ATP8A2: variants seen among roughly 807,000 people sequenced by gnomAD.
ATP8A2 encodes phospholipid-transporting ATPase IB.
ATP8A2 carries 100 observed loss-of-function variants against 165.6 expected under a neutral mutation model. That is an observed-to-expected ratio of 0.60 (90% CI 0.51 to 0.71). The LOEUF (loss-of-function observed/expected upper bound fraction) is 0.71, where lower values mean the gene tolerates loss of function less well. Ranked by LOEUF, ATP8A2 falls within the 30% of genes least tolerant of loss-of-function variation. ATP8A2 has a pLI of 0.00. For synonymous variants in ATP8A2, 543 were observed against 548.8 expected (o/e 0.99, Z 0.15); for missense variants, 1,227 against 1,479.5 (o/e 0.83, Z 2.80).
chr13:25,761,060 G>A (rs2044369004), intron 25 of ATP8A2, among the ~76,000 whole-genome samples: 1 of 152,188 alleles, frequency 6.6e-6, no homozygotes, highest in Non-Finnish European at 1.5e-5. Context: ...CCTCACCTTT[G>A]CAGAGACTCC....
In ATP8A2 at chr13:25,876,533, G is replaced by A. The variant is rs116503533; in HGVS notation, c.3183+14125G>A. 4.2e-3 allele frequency among the ~76,000 whole-genome samples: 646 copies of A among 152,204 alleles called. 2 individuals carry two copies. The highest frequency in any genetic ancestry group is 0.014 in the African/African-American group (585 of 41,544). ...AAGGAGAAGCTTTAAAAATTTCACC[G>A]CAGGAAATTACAGGCCTGTTGAGAA... On this transcript the variant is annotated intron_variant, in intron 33 of 36. Coordinates refer to ENST00000381655, the MANE Select transcript of ATP8A2 (RefSeq NM_016529.6).
intron 33 of ATP8A2, among the ~76,000 whole-genome samples, chr13:25,864,758 A>G (rs960699847): frequency 2.6e-5 from 4 of 152,248 alleles, no homozygotes; most frequent in South Asian, 2.1e-4. Context: ...TAAGCAGTAC[A>G]TGAGAGGATT....
At position 25,553,776 on chromosome 13, in the gene ATP8A2, C is replaced by G; in HGVS notation, c.1058-17C>G. 2 of 1,607,968 alleles carry G rather than the reference C, an allele frequency of 1.2e-6. No homozygotes were observed. The highest frequency in any genetic ancestry group is 1.7e-6 in the Non-Finnish European group (2 of 1,177,688). On this transcript the variant is annotated splice_polypyrimidine_tract_variant and intron_variant, in intron 11 of 36. Transcript: ENST00000381655. ...TGGTTGTGAACACCTTTCAGATACT[C>G]TGGTTTCCTTCCACAGACACCACCT...
At chr13:25,438,660 A>G (rs1318652514) in intron 1 of ATP8A2, among the ~76,000 whole-genome samples, 3 of 152,152 alleles carry the variant, frequency 2.0e-5, no homozygotes, top group Non-Finnish European at 4.4e-5. Flanking sequence ...AGAAAAAAAA[A>G]GAGAGAGATA....
In ATP8A2 at chr13:25,884,448, G is replaced by A. The variant is rs11841146; in HGVS notation, c.3183+22040G>A. 2.9e-3 allele frequency among the ~76,000 whole-genome samples: 447 copies of A among 152,276 alleles called. 3 individuals are homozygous for A. The highest frequency in any genetic ancestry group is 9.9e-3 in the African/African-American group (413 of 41,566). On this transcript the variant is annotated intron_variant, in intron 33 of 36. Transcript: ENST00000381655. ...TCCCCCGCTTCTGCTCCCACTTCTC[G>A]CGGGTGCCTTCTAGCTTCCTTTGCT...
At chr13:25,650,591 G>A (rs1042491726) in intron 24 of ATP8A2, among the ~76,000 whole-genome samples, 13 of 152,108 alleles carry the variant, frequency 8.5e-5, no homozygotes, top group African/African-American at 2.4e-4. Flanking sequence ...CAGAAGTAGC[G>A]TTAAGGGTAC....
chr13:25,490,279 T>C (rs939554244), intron 2 of ATP8A2, among the ~76,000 whole-genome samples: 1 of 152,176 alleles, frequency 6.6e-6, no homozygotes, highest in African/African-American at 2.4e-5. Flanking sequence ...AGCCGTAAGG[T>C]GGGTGCTTCA....
chr13:25,779,442 C>T lies in ATP8A2; in HGVS notation c.2679+4483C>T, dbSNP rs1033155831. Reference sequence around the variant, plus strand: ...GCGGTGTGTATTCCCTGTGTGTCTGCACTGGGGGTGGGAATGGGATGAAAT... The same window carrying T: ...GCGGTGTGTATTCCCTGTGTGTCTGTACTGGGGGTGGGAATGGGATGAAAT... On this transcript the variant is annotated intron_variant, in intron 27 of 36. Coordinates refer to ENST00000381655, the MANE Select transcript of ATP8A2 (RefSeq NM_016529.6). Among the ~76,000 whole-genome samples, 6 of 151,666 alleles carry T rather than the reference C, an allele frequency of 4.0e-5. 1 individual carries two copies. The South Asian group carries it at 1.0e-3, about 26-fold the overall frequency.
At chr13:25,770,295 C>T (rs373555033) in intron 26 of ATP8A2, among the ~76,000 whole-genome samples, 1 of 152,072 alleles carries the variant, frequency 6.6e-6, no homozygotes, top group East Asian at 1.9e-4. Flanking sequence ...CTCCTAAGAT[C>T]AGTGCTTGAG....
chr13:25,977,203 T>C (rs2139240648), intron 35 of ATP8A2, among the ~76,000 whole-genome samples: 1 of 151,928 alleles, frequency 6.6e-6, no homozygotes, highest in African/African-American at 2.4e-5. Context: ...GTATGGTCTA[T>C]GAAAAAATTA....
intron 27 of ATP8A2, among the ~76,000 whole-genome samples, chr13:25,818,905 C>T (rs931539331): frequency 2.0e-5 from 3 of 152,026 alleles, no homozygotes; most frequent in African/African-American, 2.4e-5. Flanking sequence ...GTGGCAAGCT[C>T]GAAGAGAAAA....
chr13:25,843,478 T>A (rs1566194774), intron 30 of ATP8A2, among the ~76,000 whole-genome samples: 1 of 151,936 alleles, frequency 6.6e-6, no homozygotes, highest in Admixed American at 6.6e-5. Context: ...TGAGGGCGGA[T>A]CTCTCAGGAA....
At chr13:25,989,163 T>C (rs1481933393) in intron 35 of ATP8A2, among the ~76,000 whole-genome samples, 1 of 152,252 alleles carries the variant, frequency 6.6e-6, no homozygotes, top group Non-Finnish European at 1.5e-5. Context: ...AGCTTTGAAT[T>C]ATTCTGTTTG....
chr13:25,974,543 A>C (rs1165257774), intron 35 of ATP8A2, among the ~76,000 whole-genome samples: 1 of 152,010 alleles, frequency 6.6e-6, no homozygotes, highest in African/African-American at 2.4e-5. Context: ...TTACAGCTTC[A>C]AGGAGCTCCT....
intron 23 of ATP8A2, among the ~76,000 whole-genome samples, chr13:25,586,151 A>C (rs902714191): frequency 2.0e-5 from 3 of 152,226 alleles, no homozygotes; most frequent in Non-Finnish European, 4.4e-5. Flanking sequence ...AGAGAGATGA[A>C]GTAACTTAGT....
chr13:25,926,389 C>T (rs1009531160), intron 33 of ATP8A2, among the ~76,000 whole-genome samples: 4 of 152,192 alleles, frequency 2.6e-5, no homozygotes, highest in African/African-American at 9.7e-5. Context: ...ACTCTCCACT[C>T]CTCCCCTACC....
chr13:25,733,120 T>C (rs2043689422), intron 25 of ATP8A2, among the ~76,000 whole-genome samples: 1 of 152,166 alleles, frequency 6.6e-6, no homozygotes, highest in Non-Finnish European at 1.5e-5. Flanking sequence ...GTCATGGAAG[T>C]CTTCAATGAC....
chr13:25,413,694 A>G (rs1217333365), intron 1 of ATP8A2, among the ~76,000 whole-genome samples: 1 of 152,072 alleles, frequency 6.6e-6, no homozygotes, highest in Non-Finnish European at 1.5e-5. Context: ...TTTTAATGGG[A>G]ATCTAGAGGC....
intron 1 of ATP8A2, among the ~76,000 whole-genome samples, chr13:25,435,877 C>G (rs538610034): frequency 6.6e-6 from 1 of 151,618 alleles, no homozygotes; most frequent in African/African-American, 2.4e-5. Flanking sequence ...CTAAAATGAT[C>G]TTATGAAAAA....
Sources: allele counts gnomAD v4.1 joint callset (sites outside exome capture counted in the v4.1 genomes callset), GRCh38; gene constraint gnomAD v4.1.1; transcripts MANE v1.5; gene names NCBI Gene and HGNC (gene_info 2026-07-23, HGNC 2026-07-21).